The following SRRM3 variants were observed in gnomAD, a reference collection of about 807,000 sequenced individuals.
SRRM3 encodes the protein serine/arginine repetitive matrix 3, also known as serine/arginine repetitive matrix protein 3.
A neutral mutation model predicts 66.2 loss-of-function variants in SRRM3; 27 were observed. That is an observed-to-expected ratio of 0.41 (90% CI 0.30 to 0.56). The LOEUF is 0.56. Ranked by LOEUF, SRRM3 falls within the 20% of genes least tolerant of loss-of-function variation. The probability of loss-of-function intolerance (pLI) is 0.32; values close to 1 mark genes in which losing one functional copy is unlikely to be tolerated. For synonymous variants in SRRM3, 391 were observed against 414.9 expected (o/e 0.94, Z 0.70); for missense variants, 918 against 991.9 (o/e 0.93, Z 1.00).
At chr7:76,221,941 T>A (rs1191562568) in intron 1 of SRRM3, among the ~76,000 whole-genome samples, 1 of 152,214 alleles carries the variant, frequency 6.6e-6, no homozygotes, top group Non-Finnish European at 1.5e-5. Context: ...ATTCCTTTAC[T>A]CCTTACCCTG....
At position 76,235,011 on chromosome 7, in the gene SRRM3, C is replaced by A; in HGVS notation, c.-39-17C>A. 1.4e-6 allele frequency: 2 copies of A among 1,428,000 alleles called. No homozygotes were observed. Among genetic ancestry groups the A allele is most frequent in the African/African-American group, 1.5e-5 (1 of 68,486 alleles). The allele number at this position is 1,428,000 out of a possible 1,614,324, so 88.5% of individuals were successfully genotyped here. On this transcript the variant is annotated splice_polypyrimidine_tract_variant and intron_variant, in intron 1 of 14. Coordinates refer to ENST00000611745, the MANE Select transcript of SRRM3 (RefSeq NM_001110199.3). ...AAGAAGTGACCATCCCGCCTCGTGT[C>A]TGTGTCTGTCCCTCAGGGCCAGCGG...
At chr7:76,216,085 GC>G (rs1460948107) in intron 1 of SRRM3, among the ~76,000 whole-genome samples, 1 of 151,902 alleles carries the variant, frequency 6.6e-6, no homozygotes, top group African/African-American at 2.4e-5. Context: ...GGGATTACAG[GC>G]GTGAGCCACC....
At chr7:76,280,133 AAAAG>A (rs1300774566) in intron 11 of SRRM3, among the ~76,000 whole-genome samples, 3 of 150,854 alleles carry the variant, frequency 2.0e-5, no homozygotes, top group East Asian at 3.9e-4. Flanking sequence ...AAAAAAAAGA[AAAAG>A]AAAAAGAAAA....
chr7:76,221,907 CT>C (rs1324377209), intron 1 of SRRM3, among the ~76,000 whole-genome samples: 1 of 152,242 alleles, frequency 6.6e-6, no homozygotes, highest in Non-Finnish European at 1.5e-5. Context: ...AGCTTATCGC[CT>C]ACCCAGGCAC....
intron 2 of SRRM3, among the ~76,000 whole-genome samples, chr7:76,236,841 G>A (rs562077239): frequency 1.3e-5 from 2 of 152,292 alleles, no homozygotes; most frequent in East Asian, 1.9e-4. Flanking sequence ...CAGCTGGCAA[G>A]GGAACATGTT....
intron 11 of SRRM3, chr7:76,273,731 CTT>C (rs1802268809): frequency 6.6e-6 from 1 of 152,122 alleles, no homozygotes; most frequent in African/African-American, 2.4e-5. Context: ...CCTTTTCTTT[CTT>C]TATTTTAGTG....
chr7:76,209,735 G>A (rs1181090981), intron 1 of SRRM3, among the ~76,000 whole-genome samples: 1 of 151,940 alleles, frequency 6.6e-6, no homozygotes, highest in East Asian at 1.9e-4. Flanking sequence ...CTTCCAAGTG[G>A]CTGGGACGAC....
At chr7:76,237,754 A>C (rs1801185516) in intron 2 of SRRM3, among the ~76,000 whole-genome samples, 1 of 151,812 alleles carries the variant, frequency 6.6e-6, no homozygotes, top group Admixed American at 6.6e-5. Flanking sequence ...TGATGAACCC[A>C]TCCCCATCCT....
rs79170543 is a variant in SRRM3, at chr7:76,218,575, A to G, written c.-39-16453A>G. On this transcript the variant is annotated intron_variant, in intron 1 of 14. Coordinates refer to ENST00000611745, the MANE Select transcript of SRRM3 (RefSeq NM_001110199.3). Reference sequence around the variant, plus strand: ...GGATTCTTTTGTTCCTCTAGAATGCAGGGGAGAAGAGACCAAACCACTACT... The same window carrying G: ...GGATTCTTTTGTTCCTCTAGAATGCGGGGGAGAAGAGACCAAACCACTACT... Among the ~76,000 whole-genome samples, 1,271 of 151,944 alleles carry G rather than the reference A, an allele frequency of 8.4e-3. 25 individuals are homozygous for G. Among genetic ancestry groups the G allele is most frequent in the African/African-American group, 0.029 (1,196 of 41,422 alleles).
Position 76,281,759 on chromosome 7 carries a change from C to T in SRRM3, c.1327C>T (p.Pro443Ser). The T allele has an allele frequency of 7.3e-7, 1 of 1,376,572 alleles. No homozygotes were observed. 85.3% of individuals were successfully genotyped at this position (1,376,572 alleles called of 1,614,324 possible). ...GSGRGAPGPGPEPGSERGHGG... is the reference protein window; with the variant it reads ...GSGRGAPGPGSEPGSERGHGG... ...CGGCCGCGGCGCCCCCGGCCCCGGGCCCGAGCCCGGCTCTGAGCGAGGCCA... is the reference window on the plus strand; with the variant it reads ...CGGCCGCGGCGCCCCCGGCCCCGGGTCCGAGCCCGGCTCTGAGCGAGGCCA... The change falls in exon 12 of 15, where the codon CCC becomes TCC. Residue 443 changes from proline to serine, a missense_variant. Pro to Ser is a moderately conservative substitution (Grantham distance 74). Transcript: ENST00000611745.
chr7:76,219,355 C>T (rs782282183), intron 1 of SRRM3, among the ~76,000 whole-genome samples: 1 of 152,318 alleles, frequency 6.6e-6, no homozygotes, highest in African/African-American at 2.4e-5. Context: ...TACCTGTTCT[C>T]ACCTGGGCTG....
At chr7:76,240,865 C>T (rs1304173734) in intron 2 of SRRM3, among the ~76,000 whole-genome samples, 1 of 151,908 alleles carries the variant, frequency 6.6e-6, no homozygotes, top group Non-Finnish European at 1.5e-5. Flanking sequence ...CCCCCTTCCC[C>T]ACCCACACAC....
rs880001912 is a variant in SRRM3 at position 76,285,070 on chromosome 7, G to GT, written c.1734-534dup. On this transcript the variant is annotated intron_variant, in intron 14 of 14. Coordinates refer to ENST00000611745, the MANE Select transcript of SRRM3 (RefSeq NM_001110199.3). This position sits in a 1 kb window ranked among gnomAD's most constrained non-coding sequence, Gnocchi z 4.1. ...TTTGCAAGTTTCATTCATTCAACAAGTTTTTTTTTTTGAGACGGAGTCTCA... is the reference window on the plus strand; with the variant it reads ...TTTGCAAGTTTCATTCATTCAACAAGTTTTTTTTTTTTGAGACGGAGTCTCA... Among the ~76,000 whole-genome samples, 81 of 148,118 alleles carry GT rather than the reference G, an allele frequency of 5.5e-4. No individual in the cohort carries two copies. The highest frequency in any genetic ancestry group is 1.2e-3 in the East Asian group (6 of 5,064).
At chr7:76,221,762 T>A (rs540455221) in intron 1 of SRRM3, among the ~76,000 whole-genome samples, 3 of 152,304 alleles carry the variant, frequency 2.0e-5, no homozygotes, top group Non-Finnish European at 2.9e-5. Flanking sequence ...TGTAATGATT[T>A]AAAATGGTAA....
Position 76,225,762 on chromosome 7 carries a change from T to G in SRRM3, c.-39-9266T>G, listed in dbSNP as rs115566113. On this transcript the variant is annotated intron_variant, in intron 1 of 14. Transcript: ENST00000611745. ...AATCTCCAGTGCCTTTTACGAGACATTCATTGCATACTAGGTACTGTGAGG... is the reference window on the plus strand; with the variant it reads ...AATCTCCAGTGCCTTTTACGAGACAGTCATTGCATACTAGGTACTGTGAGG... Among the ~76,000 whole-genome samples the G allele has an allele frequency of 7.6e-3, 1,151 of 152,300 alleles. 13 individuals carry two copies. Among genetic ancestry groups the G allele is most frequent in the African/African-American group, 0.027 (1,114 of 41,566 alleles).
chr7:76,212,162 C>CT (rs57681676), intron 1 of SRRM3, among the ~76,000 whole-genome samples: 29,029 of 100,958 alleles, frequency 0.29, 5,995 homozygotes, highest in African/African-American at 0.54. Context: ...CTGAGGTCTG[C>CT]TTTTTTTTTT....
chr7:76,249,296 G>T (rs1175994949), intron 3 of SRRM3, among the ~76,000 whole-genome samples: 1 of 151,560 alleles, frequency 6.6e-6, no homozygotes, highest in Non-Finnish European at 1.5e-5. Context: ...TGAGACACGA[G>T]AATCACTTGA....
At chr7:76,229,995 G>C (rs1563615111) in intron 1 of SRRM3, among the ~76,000 whole-genome samples, 3 of 151,966 alleles carry the variant, frequency 2.0e-5, no homozygotes, top group Non-Finnish European at 2.9e-5. Context: ...GCCCACCTCA[G>C]CCTCCCAAAG....
rs1802619700 is a variant in SRRM3, at chr7:76,284,993, G to C, written c.1734-622G>C. Among the ~76,000 whole-genome samples the C allele has an allele frequency of 2.6e-5, 4 of 152,326 alleles. No individual in the cohort carries two copies. In the South Asian group the frequency reaches 8.3e-4, roughly 32 times the overall value. On this transcript the variant is annotated intron_variant, in intron 14 of 14. Coordinates refer to ENST00000611745, the MANE Select transcript of SRRM3 (RefSeq NM_001110199.3). The stretch of plus-strand genomic sequence containing the variant: ...CAGGGGAACAGAGAGGCAGGGCTGG[G>C]ACGTAGTCACAGACACTTACACGCC...
Sources: allele counts gnomAD v4.1 joint callset (sites outside exome capture counted in the v4.1 genomes callset), GRCh38; gene constraint gnomAD v4.1.1; non-coding constraint Gnocchi (gnomAD v3.1); transcripts MANE v1.5; gene names NCBI Gene and HGNC (gene_info 2026-07-23, HGNC 2026-07-21).